CABP2: variants seen among roughly 807,000 people sequenced by gnomAD.
CABP2 encodes calcium-binding protein 2.
Under a neutral mutation model 28.6 loss-of-function variants are expected in CABP2, and 25 were observed. The ratio of observed to expected loss-of-function variants is 0.87; its 90% CI spans 0.64 to 1.22. CABP2 has a LOEUF of 1.22. Ranked by LOEUF, CABP2 falls within the 50% of genes most tolerant of loss-of-function variation. The pLI is 0.00. For missense variants in CABP2, 310 were observed against 312.2 expected, an observed-to-expected ratio of 0.99 and a Z score of 0.05; for synonymous variants, 138 against 126.0, an observed-to-expected ratio of 1.09 and a Z score of -0.64.
Position 67,523,400 on chromosome 11 carries a change from G to T in CABP2, c.-74C>A. ...GCCTCGGCGGATGCTGCTGCCTGAG[G>T]ACTCCTGCCAGCCCCCAGCTGCTCC... is the stretch of plus-strand genomic sequence containing the variant. On this transcript the variant is annotated 5_prime_UTR_variant, in exon 1 of 7. Coordinates refer to ENST00000294288, the MANE Select transcript of CABP2 (RefSeq NM_016366.3). 1 of 1,438,898 alleles carries T rather than the reference G, an allele frequency of 6.9e-7. No individual in the cohort carries two copies. The highest frequency in any genetic ancestry group is 1.5e-5 in the African/African-American group (1 of 68,882). 89.1% of individuals were successfully genotyped at this position (1,438,898 alleles called of 1,614,324 possible). A position where few individuals can be genotyped will look rare whatever the true frequency, so the allele number is the denominator to read the frequency against.
intron 1 of CABP2, 54 bp downstream of exon 1, chr11:67,523,231 C>T (rs1866777593): frequency 2.1e-6 from 3 of 1,409,546 alleles, no homozygotes; most frequent in Admixed American, 3.9e-5. Context: ...CCCATCTGAC[C>T]CTCAGGGTCC....
chr11:67,521,206 C>G, intron 3 of CABP2, 47 bp from the exon 4 acceptor site: 1 of 1,585,036 alleles, frequency 6.3e-7, no homozygotes. Context: ...CCCCCTGATC[C>G]TGGCCTGGAC....
rs368718413 is a variant in CABP2, at chr11:67,519,856, G to T, written c.574C>A (p.Arg192=). 2.5e-6 allele frequency: 4 copies of T among 1,613,764 alleles called. No homozygotes were observed. The highest frequency in any genetic ancestry group is 1.7e-5 in the Admixed American group (1 of 60,024). The change falls in exon 6 of 7, where the codon CGG becomes AGG. Residue 192 remains arginine (R), a synonymous_variant. Transcript: ENST00000294288. ...KALLGERLSQ[R]EVDEILQDVD... The stretch of plus-strand genomic sequence containing the variant: ...TCCTGGAGGATCTCGTCCACCTCCC[G>T]CTGGCTGAGGCGCTCCCCCAGCAGG...
chr11:67,521,869 T>TGG, intron 3 of CABP2, 83 bp downstream of exon 3: 3 of 425,548 alleles, frequency 7.0e-6, no homozygotes, highest in Non-Finnish European at 9.0e-6. Context: ...CCCCACCCGA[T>TGG]GCCCCCCCAA....
Position 67,519,885 on chromosome 11 carries a change from T to G in CABP2, c.545A>C (p.Lys182Thr), listed in dbSNP as rs1173611470. 1 of 1,613,238 alleles carries G rather than the reference T, an allele frequency of 6.2e-7. No homozygotes were observed. Among genetic ancestry groups the G allele is most frequent in the Non-Finnish European group, 8.5e-7 (1 of 1,179,968 alleles). Reference protein sequence around the residue: ...ISVGELRAALKALLGERLSQR... With the variant: ...ISVGELRAALTALLGERLSQR... ...GCTGAGGCGCTCCCCCAGCAGGGCC[T>G]TGAGGGCCGCCCGGAGCTCGCCCAC... Residue 182 changes from lysine (K) to threonine (T), a missense_variant, in exon 6 of 7, where the codon AAG becomes ACG. Physicochemically the swap from Lys to Thr is moderately conservative, Grantham distance 78. Coordinates refer to ENST00000294288, the MANE Select transcript of CABP2 (RefSeq NM_016366.3).
chr11:67,520,055 C>T lies in CABP2; in HGVS notation c.485G>A (p.Arg162Gln), dbSNP rs1310988918. The change falls in exon 5 of 7, where the codon CGG becomes CAG. Residue 162 changes from arginine (R) to glutamine (Q), a missense_variant. Arg to Gln is a conservative substitution (Grantham distance 43). Coordinates refer to ENST00000294288, the MANE Select transcript of CABP2 (RefSeq NM_016366.3). Reference protein sequence around the residue: ...IGVRELRDAFREFDTNGDGRI... With the variant: ...IGVRELRDAFQEFDTNGDGRI... ...CCTCAGCCCCAGTGGCCGCACCTCC[C>T]GGAAGGCGTCCCGTAGCTCCCGGAC... The T allele has an allele frequency of 6.2e-7, 1 of 1,612,120 alleles. No individual in the cohort carries two copies. The highest frequency in any genetic ancestry group is 8.5e-7 in the Non-Finnish European group (1 of 1,179,710).
chr11:67,521,280 C>T, intron 3 of CABP2, 121 bp from the exon 4 acceptor site: 2 of 1,055,054 alleles, frequency 1.9e-6, no homozygotes, highest in Non-Finnish European at 2.7e-6. Context: ...TCTTTGCTGC[C>T]TCGGGGCCTT....
chr11:67,522,777 T>G (rs923839762), intron 1 of CABP2, 61 bp from the exon 2 acceptor site: 2 of 1,365,158 alleles, frequency 1.5e-6, no homozygotes, highest in African/African-American at 2.9e-5. Flanking sequence ...CTGATAGCCC[T>G]CCCCACTCCT....
intron 3 of CABP2, 95 bp downstream of exon 3, chr11:67,521,857 G>T (rs1489816731): frequency 4.7e-6 from 4 of 852,654 alleles, no homozygotes; most frequent in African/African-American, 3.4e-5. Flanking sequence ...AAACACTGAG[G>T]CCCCCACCCG....
In CABP2 at chr11:67,522,533, T is replaced by C. The variant is rs995994554; in HGVS notation, c.213+13A>G. Reference sequence around the variant, plus strand: ...AAGGGCAGGCAGGCTGGCGGGCGGGTGGCCGTACATACGAGTTGGGTGGCG... The same window carrying C: ...AAGGGCAGGCAGGCTGGCGGGCGGGCGGCCGTACATACGAGTTGGGTGGCG... On this transcript the variant is annotated intron_variant, in intron 2 of 6. Coordinates refer to ENST00000294288, the MANE Select transcript of CABP2 (RefSeq NM_016366.3). 28 of 1,551,016 alleles carry C rather than the reference T, an allele frequency of 1.8e-5. No individual in the cohort carries two copies. The highest frequency in any genetic ancestry group is 9.8e-5 in the Admixed American group (5 of 50,896).
At chr11:67,522,317 T>A (rs1866758746) in intron 2 of CABP2, among the ~76,000 whole-genome samples, 1 of 152,156 alleles carries the variant, frequency 6.6e-6, no homozygotes, top group Non-Finnish European at 1.5e-5. Context: ...ATGTCACTGT[T>A]GATCTCTCTT....
chr11:67,522,421 C>G, intron 2 of CABP2, 125 bp downstream of exon 2: 1 of 997,978 alleles, frequency 1.0e-6, no homozygotes, highest in Non-Finnish European at 1.5e-6. Context: ...CCTCTTCCCC[C>G]TAGCTCCAGG....
At chr11:67,523,195 C>T (rs1030754479) in intron 1 of CABP2, 90 bp downstream of exon 1, 1 of 1,089,262 alleles carries the variant, frequency 9.2e-7, no homozygotes, top group African/African-American at 1.6e-5. Flanking sequence ...CCCAACCCCG[C>T]CCGGCCCTCG....
At position 67,522,537 on chromosome 11, in the gene CABP2, C is replaced by G. The variant is rs368921133; in HGVS notation, c.213+9G>C. 6.4e-7 allele frequency: 1 copy of G among 1,553,286 alleles called. No homozygotes were observed. The highest frequency in any genetic ancestry group is 1.4e-5 in the African/African-American group (1 of 73,096). On this transcript the variant is annotated intron_variant, in intron 2 of 6. Coordinates refer to ENST00000294288, the MANE Select transcript of CABP2 (RefSeq NM_016366.3). Reference sequence around the variant, plus strand: ...GCAGGCAGGCTGGCGGGCGGGTGGCCGTACATACGAGTTGGGTGGCGGCAA... The same window carrying G: ...GCAGGCAGGCTGGCGGGCGGGTGGCGGTACATACGAGTTGGGTGGCGGCAA...
At position 67,521,043 on chromosome 11, in the gene CABP2, C is replaced by T. The variant is rs771613171; in HGVS notation, c.361G>A (p.Glu121Lys). 19 of 1,613,634 alleles carry T rather than the reference C, an allele frequency of 1.2e-5. No homozygotes were observed. Among genetic ancestry groups the T allele is most frequent in the Admixed American group, 5.0e-5 (3 of 59,976 alleles). Reference protein sequence around the residue: ...GYMPTEMELIEISQQISGGKV... With the variant: ...GYMPTEMELIKISQQISGGKV... ...CACATACTGATTTGTTGTGAGATCT[C>T]GATGAGCTCCATCTCGGTGGGCATG... The change falls in exon 4 of 7, where the codon GAG (glutamate) becomes AAG (lysine). Residue 121 changes from glutamate to lysine, a missense_variant. Transcript: ENST00000294288.
At chr11:67,522,440 AGCGAGGGGCAAGGGTAGGTGGGCTGGAGT>A in intron 2 of CABP2, 77 bp downstream of exon 2, 4 of 1,221,954 alleles carry the variant, frequency 3.3e-6, no homozygotes, top group East Asian at 2.5e-5. Flanking sequence ...GGAGAGGCAA[AGCGAGGGGCAAGGGTAGGTGGGCTGGAGT>A]GCGAGGGGCA....
In CABP2 at chr11:67,519,175, G is replaced by A; in HGVS notation, c.638-11C>T. ...TCATTCGCACAAACTCTGCCAGGAC[G>A]AAGCCAAGGTTTTGGGTCTGTTCTC... On this transcript the variant is annotated splice_polypyrimidine_tract_variant and intron_variant, in intron 6 of 6. Transcript: ENST00000294288. 6.2e-7 allele frequency: 1 copy of A among 1,614,004 alleles called. No individual in the cohort carries two copies. The highest frequency in any genetic ancestry group is 8.5e-7 in the Non-Finnish European group (1 of 1,180,000).
intron 6 of CABP2, 98 bp from the exon 7 acceptor site, chr11:67,519,262 G>T: frequency 8.2e-7 from 1 of 1,221,000 alleles, no homozygotes; most frequent in South Asian, 1.2e-5. Context: ...TGTGGTTGAG[G>T]GGAGGGTCTT....
chr11:67,522,949 C>T (rs1261630165), intron 1 of CABP2, among the ~76,000 whole-genome samples: 2 of 152,258 alleles, frequency 1.3e-5, no homozygotes, highest in South Asian at 4.1e-4. Context: ...AGAGACTTGG[C>T]CAAGGCCACT....
Sources: allele counts gnomAD v4.1 joint callset (sites outside exome capture counted in the v4.1 genomes callset), GRCh38; gene constraint gnomAD v4.1.1; transcripts MANE v1.5; gene names NCBI Gene and HGNC (gene_info 2026-07-23, HGNC 2026-07-21).